TTN: variants seen among roughly 807,000 people sequenced by gnomAD.
TTN encodes the protein connectin.
A neutral mutation model predicts 3,223.0 loss-of-function variants in TTN; 1,525 were observed. That is an observed-to-expected ratio of 0.47 (90% CI 0.45 to 0.49). The LOEUF is 0.49. Among genes scored for constraint, TTN ranks in the 20% least tolerant of loss-of-function variants. The pLI is 0.00. For synonymous variants in TTN, 14,094 were observed against 15,161.0 expected (o/e 0.93, Z 5.17); for missense variants, 40,786 against 43,424.0 (o/e 0.94, Z 5.40).
Position 178,591,484 on chromosome 2 carries a change from C to G in TTN, c.60241G>C (p.Asp20081His), listed in dbSNP as rs773444432. 1 of 1,586,976 alleles carries G rather than the reference C, an allele frequency of 6.3e-7. No individual in the cohort carries two copies. Among genetic ancestry groups the G allele is most frequent in the Non-Finnish European group, 8.5e-7 (1 of 1,171,576 alleles). Residue 20081 changes from aspartate (D) to histidine (H), a missense_variant, in exon 304 of 363, where the codon GAT becomes CAT. Physicochemically the swap from Asp to His is moderately conservative, Grantham distance 81. Transcript: ENST00000589042. The part of the protein sequence containing the change: ...EKLVPPSVEL[D>H]VKLIEGLVVK... ...ACAAGACCTTCAATTAATTTCACAT[C>G]TAGCTCCACGGATGGAGGCACTGAA...
At chr2:178,761,479 C>T (rs1192088035) in intron 43 of TTN, among the ~76,000 whole-genome samples, 2 of 152,314 alleles carry the variant, frequency 1.3e-5, no homozygotes, top group African/African-American at 2.4e-5. Context: ...AAACCACTTG[C>T]TTCTAGCACA....
At chr2:178,681,944 C>T (rs2069510675) in intron 135 of TTN, among the ~76,000 whole-genome samples, 1 of 151,904 alleles carries the variant, frequency 6.6e-6, no homozygotes, top group Admixed American at 6.6e-5. Flanking sequence ...GTAATTCTTA[C>T]ATATTAAAAT....
rs762444896 is a variant in TTN at position 178,672,013 on chromosome 2, C to T, written c.35185G>A (p.Glu11729Lys). Residue 11729 changes from glutamate (E) to lysine (K), a missense_variant, in exon 155 of 363, where the codon GAA becomes AAA. Glu to Lys is a moderately conservative substitution (Grantham distance 56). Coordinates refer to ENST00000589042, the MANE Select transcript of TTN (RefSeq NM_001267550.2). ...GGTTTTTCAAATACTTCCACTTCTT[C>T]AGCCTCAAAAACTTCTATTACCCTA... is the stretch of plus-strand genomic sequence containing the variant. Reference protein sequence around the residue: ...VHRVIEVFEAEEVEVFEKPKA... With the variant: ...VHRVIEVFEAKEVEVFEKPKA... 2.2e-5 allele frequency: 35 copies of T among 1,608,150 alleles called. No homozygotes were observed. Among genetic ancestry groups the T allele is most frequent in the Non-Finnish European group, 2.6e-5 (31 of 1,178,182 alleles).
intron 1 of TTN, 108 bp from the exon 2 acceptor site, chr2:178,804,763 T>A: frequency 1.0e-6 from 1 of 990,882 alleles, no homozygotes; most frequent in Non-Finnish European, 1.6e-6. Flanking sequence ...GCTCCATAGG[T>A]CATCTGTGGG....
In TTN at chr2:178,537,826, C is replaced by A. The variant is rs747615650; in HGVS notation, c.99381G>T (p.Arg33127Ser). 5 of 1,613,530 alleles carry A rather than the reference C, an allele frequency of 3.1e-6. No individual in the cohort carries two copies. The South Asian group carries it at 3.3e-5, about 11-fold the overall frequency. ...TGTACCATTTAATGTCAGGAAGAGG[C>A]CTTCCAACAATCTGGCATGAGAGTT... ...AAQLSCQIVG[R>S]PLPDIKWYRF... The change falls in exon 355 of 363, where the codon AGG becomes AGT. Residue 33127 changes from arginine to serine, a missense_variant. Arg to Ser is a moderately radical substitution (Grantham distance 110). Coordinates refer to ENST00000589042, the MANE Select transcript of TTN (RefSeq NM_001267550.2).
chr2:178,730,227 C>T lies in TTN; in HGVS notation c.18173G>A (p.Arg6058His), dbSNP rs376012117. The T allele has an allele frequency of 3.6e-5, 58 of 1,613,334 alleles. No homozygotes were observed. Among genetic ancestry groups the T allele is most frequent in the East Asian group, 4.5e-5 (2 of 44,784 alleles). ...DNKELHSGAARSVWKDDTSTS... is the reference protein window; with the variant it reads ...DNKELHSGAAHSVWKDDTSTS... Reference sequence around the variant, plus strand: ...AGAGGTGTCATCCTTCCAAACTGAGCGGGCTGCTCCTGAGTGTAACTCTTT... The same window carrying T: ...AGAGGTGTCATCCTTCCAAACTGAGTGGGCTGCTCCTGAGTGTAACTCTTT... Residue 6058 changes from arginine to histidine, a missense_variant, in exon 62 of 363, where the codon CGC becomes CAC. Physicochemically the swap from Arg to His is conservative, Grantham distance 29. Transcript: ENST00000589042.
chr2:178,609,854 C>A lies in TTN; in HGVS notation c.51569G>T (p.Gly17190Val). The change falls in exon 272 of 363, where the codon GGT (glycine) becomes GTT (valine). Residue 17190 changes from glycine (G) to valine (V), a missense_variant. Coordinates refer to ENST00000589042, the MANE Select transcript of TTN (RefSeq NM_001267550.2). ...MGYIIEKIAK[G>V]EERWKRCNEH... ...ATTGCATCTCTTCCACCTTTCTTCA[C>A]CCTTAGCAATCTTCTCTATGATGTA... The A allele has an allele frequency of 1.2e-6, 2 of 1,613,048 alleles. No homozygotes were observed. The highest frequency in any genetic ancestry group is 2.7e-5 in the African/African-American group (2 of 74,950).
Position 178,706,727 on chromosome 2 carries a change from G to A in TTN, c.29147C>T (p.Thr9716Ile), listed in dbSNP as rs368642940. Residue 9716 changes from threonine (T) to isoleucine (I), a missense_variant, in exon 102 of 363, where the codon ACC becomes ATC. Physicochemically the swap from Thr to Ile is moderately conservative, Grantham distance 89. Transcript: ENST00000589042. ...GTCACCTCCAACTTTTGCAATGAAG[G>A]TCGCAGTGGTTTCTAAGGAATAATG... ...SIRVVEKTTA[T>I]FIAKVGGDPI... is the part of the protein sequence containing the mutation. The A allele has an allele frequency of 1.1e-5, 17 of 1,608,324 alleles. No individual in the cohort carries two copies. The highest frequency in any genetic ancestry group is 5.6e-5 in the South Asian group (5 of 89,884).
chr2:178,709,644 T>C lies in TTN; in HGVS notation c.28675A>G (p.Asn9559Asp). The C allele has an allele frequency of 6.2e-7, 1 of 1,613,936 alleles. No homozygotes were observed. Residue 9559 changes from asparagine to aspartate, a missense_variant, in exon 99 of 363, where the codon AAC (asparagine) becomes GAC (aspartate). Asn to Asp is a conservative substitution (Grantham distance 23). Coordinates refer to ENST00000589042, the MANE Select transcript of TTN (RefSeq NM_001267550.2). ...LVLQVRKAGM[N>D]DAGLYTCKVS... Reference sequence around the variant, plus strand: ...TTGCATGTGTACAAACCAGCGTCGTTCATGCCTGCTTTCCTGACTTGCAGC... The same window carrying C: ...TTGCATGTGTACAAACCAGCGTCGTCCATGCCTGCTTTCCTGACTTGCAGC...
Position 178,546,706 on chromosome 2 carries a change from G to A in TTN, c.94722C>T (p.Leu31574=). The A allele has an allele frequency of 6.2e-7, 1 of 1,613,818 alleles. No individual in the cohort carries two copies. The highest frequency in any genetic ancestry group is 1.3e-5 in the African/African-American group (1 of 75,032). The stretch of plus-strand genomic sequence containing the variant: ...GGAACTCATAAGTGTCTCCTTCACT[G>A]AGAGCAGTCACGGTGAAGAAATTGT... ...VSDNFFTVTA[L]SEGDTYEFRV... The change falls in exon 341 of 363, where the codon CTC becomes CTT. Residue 31574 remains leucine, a synonymous_variant. Coordinates refer to ENST00000589042, the MANE Select transcript of TTN (RefSeq NM_001267550.2).
rs558543425 is a variant in TTN at position 178,560,336 on chromosome 2, C to T, written c.85796G>A (p.Arg28599His). 2.0e-5 allele frequency: 32 copies of T among 1,613,726 alleles called. No individual in the cohort carries two copies. The highest frequency in any genetic ancestry group is 3.3e-5 in the South Asian group (3 of 91,074). Residue 28599 changes from arginine to histidine, a missense_variant, in exon 326 of 363, where the codon CGT (arginine) becomes CAT (histidine). By Grantham distance (29) the Arg-to-His change is conservative (BLOSUM62 0). Transcript: ENST00000589042. ...ATCATAAACTGGTTTTTTGTTTACA[C>T]GCACCCATCTTAGGCTATTTTTCTC... ...RREKNSLRWV[R>H]VNKKPVYDLR...
chr2:178,618,162 A>G, intron 252 of TTN, 27 bp downstream of exon 252: 3 of 1,610,298 alleles, frequency 1.9e-6, no homozygotes, highest in Non-Finnish European at 2.5e-6. Context: ...CTTAAAAGCT[A>G]ACTTGAATTT....
Position 178,554,522 on chromosome 2 carries a change from G to A in TTN, c.88825C>T (p.Arg29609Ter), listed in dbSNP as rs766450773. Residue 29609 changes from arginine (R) to a stop codon, truncating the protein, a stop_gained, in exon 332 of 363, where the codon CGA becomes TGA. Coordinates refer to ENST00000589042, the MANE Select transcript of TTN (RefSeq NM_001267550.2). LOFTEE classifies it high-confidence loss of function. ...CCAATTCCATATTTGTTCACGGCTCGGACCCGGAAGATGTATTCATTTCCT... is the reference window on the plus strand; with the variant it reads ...CCAATTCCATATTTGTTCACGGCTCAGACCCGGAAGATGTATTCATTTCCT... ...IKGNEYIFRV[R>*]AVNKYGIGEP... is the part of the protein sequence containing the mutation. 2 of 1,612,444 alleles carry A rather than the reference G, an allele frequency of 1.2e-6. No homozygotes were observed. Among genetic ancestry groups the A allele is most frequent in the Non-Finnish European group, 1.7e-6 (2 of 1,179,504 alleles).
chr2:178,545,424 C>T lies in TTN; in HGVS notation c.95686G>A (p.Glu31896Lys), dbSNP rs745365163. The change falls in exon 344 of 363, where the codon GAA (glutamate) becomes AAA (lysine). Residue 31896 changes from glutamate (E) to lysine (K), a missense_variant. Coordinates refer to ENST00000589042, the MANE Select transcript of TTN (RefSeq NM_001267550.2). Reference sequence around the variant, plus strand: ...CTGCATGAGATGAAGTTGGAAGCTTCGCTGGGCTCACTGTTACCAGCTGCA... The same window carrying T: ...CTGCATGAGATGAAGTTGGAAGCTTTGCTGGGCTCACTGTTACCAGCTGCA... ...VNAAGNSEPS[E>K]ASNFISCREP... 27 of 1,598,446 alleles carry T rather than the reference C, an allele frequency of 1.7e-5. 2 individuals carry two copies. In the East Asian group the frequency reaches 2.2e-4, roughly 13 times the overall value.
chr2:178,667,846 T>C (rs977208973), intron 159 of TTN, 125 bp from the exon 160 acceptor site: 6 of 645,898 alleles, frequency 9.3e-6, no homozygotes, highest in African/African-American at 1.8e-5. Flanking sequence ...TAGAGGCAAA[T>C]TAGTGGCTAG....
Position 178,595,776 on chromosome 2 carries a change from G to A in TTN, c.57578C>T (p.Ala19193Val). 6.2e-7 allele frequency: 1 copy of A among 1,607,358 alleles called. No individual in the cohort carries two copies. Among genetic ancestry groups the A allele is most frequent in the Non-Finnish European group, 8.5e-7 (1 of 1,176,916 alleles). ...GCAGGACTCATTGGTTAGGTTGTGA[G>A]CTAGGAATGGTGTTCCAACGGGACC... is the stretch of plus-strand genomic sequence containing the variant. Reference protein sequence around the residue: ...VPGPVGTPFLAHNLTNESCKL... With the variant: ...VPGPVGTPFLVHNLTNESCKL... The change falls in exon 295 of 363, where the codon GCT becomes GTT. Residue 19193 changes from alanine (A) to valine (V), a missense_variant. Coordinates refer to ENST00000589042, the MANE Select transcript of TTN (RefSeq NM_001267550.2).
At position 178,715,173 on chromosome 2, in the gene TTN, T is replaced by G. The variant is rs904761433; in HGVS notation, c.26013A>C (p.Pro8671=). 1 of 1,613,702 alleles carries G rather than the reference T, an allele frequency of 6.2e-7. No homozygotes were observed. The change falls in exon 90 of 363, where the codon CCA becomes CCC. Residue 8671 remains proline (P), a synonymous_variant. Coordinates refer to ENST00000589042, the MANE Select transcript of TTN (RefSeq NM_001267550.2). ...HLECELQGTP[P]FHVSWYKDKR... ...TGTCTTTATACCAAGAAACGTGAAA[T>G]GGGGGAGTGCCCTGAAGCTCACATT...
In TTN at chr2:178,583,721, C is replaced by T. The variant is rs2048299727; in HGVS notation, c.65461G>A (p.Ala21821Thr). ...PHQIPQEEYT[A>T]TGLEEKAQYQ... The stretch of plus-strand genomic sequence containing the variant: ...TGAGCTTTCTCTTCTAGGCCAGTAG[C>T]TGTGTACTCTTCCTGGGGAATCTGG... The change falls in exon 312 of 363, where the codon GCT becomes ACT. Residue 21821 changes from alanine (A) to threonine (T), a missense_variant. Ala to Thr is a moderately conservative substitution (Grantham distance 58). Transcript: ENST00000589042. 1 of 1,612,372 alleles carries T rather than the reference C, an allele frequency of 6.2e-7. No individual in the cohort carries two copies.
At chr2:178,725,180 A>AT in intron 71 of TTN, 188 bp downstream of exon 71, 1 of 572,084 alleles carries the variant, frequency 1.7e-6, no homozygotes, top group Non-Finnish European at 2.7e-6. Flanking sequence ...CAGATGTCTA[A>AT]TTTTTGTTAG....
Sources: allele counts gnomAD v4.1 joint callset (sites outside exome capture counted in the v4.1 genomes callset), GRCh38; gene constraint gnomAD v4.1.1; transcripts MANE v1.5; gene names NCBI Gene and HGNC (gene_info 2026-07-23, HGNC 2026-07-21).